MARCHF1: variants seen among roughly 807,000 people sequenced by gnomAD.
MARCHF1 encodes the protein E3 ubiquitin-protein ligase MARCHF1.
A neutral mutation model predicts 54.2 loss-of-function variants in MARCHF1; 40 were observed. The ratio of observed to expected loss-of-function variants is 0.74; its 90% CI spans 0.57 to 0.96. The LOEUF (loss-of-function observed/expected upper bound fraction) is 0.96. Ranked by LOEUF, MARCHF1 falls within the 40% of genes least tolerant of loss-of-function variation. MARCHF1 has a pLI of 0.00. For missense variants in MARCHF1, 586 were observed against 656.5 expected (o/e 0.89, Z 1.17); for synonymous variants, 236 against 236.3 (o/e 1.00, Z 0.01).
chr4:163,921,288 A>G (rs1751424924), intron 3 of MARCHF1, among the ~76,000 whole-genome samples: 2 of 152,170 alleles, frequency 1.3e-5, no homozygotes, highest in African/African-American at 2.4e-5. Flanking sequence ...GGAGTTTTTA[A>G]TCGTGCCTAA....
intron 8 of MARCHF1, among the ~76,000 whole-genome samples, chr4:163,578,982 A>G (rs1740128683): frequency 6.6e-6 from 1 of 152,192 alleles, no homozygotes; most frequent in Non-Finnish European, 1.5e-5. Context: ...AACTATGTTT[A>G]CGGATGGATG....
intron 5 of MARCHF1, among the ~76,000 whole-genome samples, chr4:163,623,367 A>G (rs1044226985): frequency 6.6e-6 from 1 of 152,196 alleles, no homozygotes; most frequent in Non-Finnish European, 1.5e-5. Context: ...CTGGGTCACG[A>G]CTTCTCAGTC....
intron 9 of MARCHF1, among the ~76,000 whole-genome samples, chr4:163,533,619 T>TC (rs1738431291): frequency 1.3e-5 from 2 of 148,654 alleles, no homozygotes; most frequent in African/African-American, 2.5e-5. Context: ...AACTCTCTCT[T>TC]TACCTTCTTT....
intron 3 of MARCHF1, among the ~76,000 whole-genome samples, chr4:163,963,268 A>G (rs762617221): frequency 1.3e-5 from 2 of 151,924 alleles, no homozygotes; most frequent in Non-Finnish European, 2.9e-5. Context: ...TGCTTCATCA[A>G]TATAAGGTCT....
At chr4:163,533,329 T>C (rs1738418323) in intron 9 of MARCHF1, among the ~76,000 whole-genome samples, 1 of 151,910 alleles carries the variant, frequency 6.6e-6, no homozygotes, top group Admixed American at 6.6e-5. Context: ...GATCAGTGTT[T>C]GCCAACAGTT....
chr4:164,232,097 A>C (rs2111182339), intron 1 of MARCHF1, among the ~76,000 whole-genome samples: 1 of 152,306 alleles, frequency 6.6e-6, no homozygotes, highest in East Asian at 1.9e-4. Flanking sequence ...TCACATGACA[A>C]GCTTGATTAG....
At chr4:163,817,497 C>T (rs1748573479) in intron 4 of MARCHF1, among the ~76,000 whole-genome samples, 1 of 151,176 alleles carries the variant, frequency 6.6e-6, no homozygotes, top group African/African-American at 2.4e-5. Flanking sequence ...CATCATGTTT[C>T]AGTAAGCACA....
At position 164,007,504 on chromosome 4, in the gene MARCHF1, T is replaced by G. The variant is rs150074549; in HGVS notation, c.-247-18795A>C. Reference sequence around the variant, plus strand: ...TCATAATTCTAGGATGAAGCCCATATGCAAATCTATCAAAAACAATAATAG... The same window carrying G: ...TCATAATTCTAGGATGAAGCCCATAGGCAAATCTATCAAAAACAATAATAG... On this transcript the variant is annotated intron_variant, in intron 2 of 9. Transcript: ENST00000514618. 4.6e-5 allele frequency among the ~76,000 whole-genome samples: 7 copies of G among 152,152 alleles called. No individual in the cohort carries two copies. In the East Asian group the frequency reaches 1.2e-3, roughly 25 times the overall value.
At chr4:163,605,127 G>T (rs1488317869) in intron 7 of MARCHF1, among the ~76,000 whole-genome samples, 3 of 152,010 alleles carry the variant, frequency 2.0e-5, no homozygotes, top group Non-Finnish European at 4.4e-5. Context: ...TGATGACAGA[G>T]CTAGAAGGGT....
chr4:164,149,162 A>T (rs922892389), intron 1 of MARCHF1, among the ~76,000 whole-genome samples: 3 of 152,156 alleles, frequency 2.0e-5, no homozygotes, highest in African/African-American at 7.2e-5. Flanking sequence ...TTTTGCAATG[A>T]CCATAAATTT....
intron 8 of MARCHF1, among the ~76,000 whole-genome samples, chr4:163,566,202 G>T (rs554778078): frequency 1.3e-5 from 2 of 152,214 alleles, no homozygotes. Context: ...GGCTTAAACT[G>T]CAGTATGAGT....
At chr4:164,321,486 A>T (rs199671057) in intron 1 of MARCHF1, among the ~76,000 whole-genome samples, 1 of 81,194 alleles carries the variant, frequency 1.2e-5, no homozygotes, top group Non-Finnish European at 2.4e-5. Context: ...CACCAAGGAT[A>T]AAAAAAAAAA....
chr4:164,022,707 A>G (rs1011528861), intron 2 of MARCHF1, among the ~76,000 whole-genome samples: 1 of 152,210 alleles, frequency 6.6e-6, no homozygotes, highest in East Asian at 1.9e-4. Flanking sequence ...ATAGCTTCCA[A>G]TGCCCCAAGG....
chr4:163,724,357 C>T (rs185517658), intron 4 of MARCHF1, among the ~76,000 whole-genome samples: 80 of 152,334 alleles, frequency 5.3e-4, no homozygotes, highest in South Asian at 1.7e-3. Context: ...GCTGCCTGAT[C>T]GTTCCTCTGG....
chr4:164,307,587 C>T (rs1734730340), intron 1 of MARCHF1, among the ~76,000 whole-genome samples: 1 of 152,192 alleles, frequency 6.6e-6, no homozygotes, highest in African/African-American at 2.4e-5. Context: ...AATTCAATGC[C>T]ATTTCATTTT....
chr4:163,815,562 G>T (rs1748510696), intron 4 of MARCHF1, among the ~76,000 whole-genome samples: 1 of 152,112 alleles, frequency 6.6e-6, no homozygotes. Context: ...TTCTGGAGTG[G>T]CTAGGATTCC....
At chr4:164,009,043 A>T (rs1413782513) in intron 2 of MARCHF1, among the ~76,000 whole-genome samples, 3 of 152,018 alleles carry the variant, frequency 2.0e-5, no homozygotes, top group African/African-American at 7.2e-5. Context: ...GGAAAAAATT[A>T]AAAAATTGGT....
chr4:163,904,925 C>T (rs1751031409), intron 3 of MARCHF1, among the ~76,000 whole-genome samples: 1 of 152,074 alleles, frequency 6.6e-6, no homozygotes, highest in South Asian at 2.1e-4. Context: ...TTTCACTTTG[C>T]TTAAGGAAAA....
At chr4:164,218,921 A>G (rs111492269) in intron 1 of MARCHF1, among the ~76,000 whole-genome samples, 3 of 152,210 alleles carry the variant, frequency 2.0e-5, no homozygotes, top group African/African-American at 7.2e-5. Context: ...ATTGGGCATG[A>G]ACCATTTTAT....
Sources: allele counts gnomAD v4.1 joint callset (sites outside exome capture counted in the v4.1 genomes callset), GRCh38; gene constraint gnomAD v4.1.1; transcripts MANE v1.5; gene names NCBI Gene and HGNC (gene_info 2026-07-23, HGNC 2026-07-21).